The following DYM variants were observed in gnomAD, a reference collection of about 807,000 sequenced individuals.
DYM encodes dymeclin.
DYM carries 78 observed loss-of-function variants against 93.1 expected under a neutral mutation model. The ratio of observed to expected loss-of-function variants is 0.84; its 90% CI spans 0.70 to 1.01. DYM has a LOEUF of 1.01. Among genes scored for constraint, DYM ranks in the 50% least tolerant of loss-of-function variants. DYM has a pLI of 0.00. For missense variants in DYM, 789 were observed against 845.0 expected (o/e 0.93, Z 0.82); for synonymous variants, 321 against 319.7 (o/e 1.00, Z -0.04).
At chr18:49,132,447 A>T (rs1368130500) in intron 15 of DYM, among the ~76,000 whole-genome samples, 1 of 152,162 alleles carries the variant, frequency 6.6e-6, no homozygotes, top group East Asian at 1.9e-4. Flanking sequence ...TAACCATGAA[A>T]AAAGGGAAAA....
At position 49,258,819 on chromosome 18, in the gene DYM, CACAGAG is replaced by C. The variant is rs1568119920; in HGVS notation, c.1252-332_1252-327del. Among the ~76,000 whole-genome samples the C allele has an allele frequency of 8.5e-4, 95 of 111,616 alleles. 2 individuals carry two copies. The highest frequency in any genetic ancestry group is 3.0e-3 in the African/African-American group (91 of 30,680). The allele number at this position is 111,616 out of a possible 152,430, so 73.2% of individuals were successfully genotyped here. A position where few individuals can be genotyped will look rare whatever the true frequency, so the allele number is the denominator to read the frequency against. Reference sequence around the variant, plus strand: ...ACACACACACACACACACACACACACACAGAGACACACACACACACAGAGAGAGAGA... The same window carrying C: ...ACACACACACACACACACACACACACACACACACACACACAGAGAGAGAGA... On this transcript the variant is annotated intron_variant, in intron 11 of 17. Coordinates refer to ENST00000675505, the MANE Select transcript of DYM (RefSeq NM_001353214.3).
At chr18:49,191,548 A>G (rs2090977374) in intron 14 of DYM, among the ~76,000 whole-genome samples, 1 of 152,196 alleles carries the variant, frequency 6.6e-6, no homozygotes, top group African/African-American at 2.4e-5. Context: ...ATTATTATAT[A>G]TTTAGAGAAC....
At chr18:49,163,589 C>G in intron 15 of DYM, 96 bp downstream of exon 15, 1 of 775,130 alleles carries the variant, frequency 1.3e-6, no homozygotes, top group East Asian at 2.9e-5. Flanking sequence ...AGTGATCCAT[C>G]TGCCTCGGCC....
At chr18:49,320,719 T>C (rs1030945260) in intron 8 of DYM, among the ~76,000 whole-genome samples, 3 of 152,148 alleles carry the variant, frequency 2.0e-5, no homozygotes, top group Non-Finnish European at 4.4e-5. Flanking sequence ...GTGATCCGCC[T>C]GCCTGGGCCT....
intron 17 of DYM, among the ~76,000 whole-genome samples, chr18:49,085,280 G>A (rs559946564): frequency 3.3e-5 from 5 of 152,128 alleles, no homozygotes; most frequent in African/African-American, 1.2e-4. Context: ...CTTATCTAAT[G>A]CTAAAGAAAA....
At chr18:49,428,811 C>T (rs1024218556) in intron 2 of DYM, among the ~76,000 whole-genome samples, 9 of 152,122 alleles carry the variant, frequency 5.9e-5, no homozygotes, top group Non-Finnish European at 1.3e-4. Flanking sequence ...GATTGTTACA[C>T]AATTCTGTGA....
intron 1 of DYM, among the ~76,000 whole-genome samples, chr18:49,440,968 T>TC (rs2081370075): frequency 4.7e-4 from 1 of 2,108 alleles, no homozygotes; most frequent in Admixed American, 8.5e-3. Context: ...ATATTATATT[T>TC]ATATAATATA....
chr18:49,394,688 GTCT>G (rs1215991971), intron 2 of DYM, among the ~76,000 whole-genome samples: 1 of 152,032 alleles, frequency 6.6e-6, no homozygotes, highest in Non-Finnish European at 1.5e-5. Flanking sequence ...ATTTATTTAT[GTCT>G]TCTTCAATTT....
chr18:49,226,173 AG>A (rs888753473), intron 13 of DYM, among the ~76,000 whole-genome samples: 6 of 152,180 alleles, frequency 3.9e-5, no homozygotes, highest in African/African-American at 1.4e-4. Context: ...CATATGCACC[AG>A]GTATCTAAAA....
intron 6 of DYM, among the ~76,000 whole-genome samples, chr18:49,353,582 A>G (rs1042788098): frequency 6.6e-6 from 1 of 152,046 alleles, no homozygotes; most frequent in African/African-American, 2.4e-5. Context: ...AATATAATAG[A>G]ATATAGCAAG....
chr18:49,127,893 GGAGGCGGTGAGCAGACAGCAGTCACC>G (rs1360087832), intron 15 of DYM, among the ~76,000 whole-genome samples: 7 of 152,268 alleles, frequency 4.6e-5, no homozygotes, highest in Admixed American at 2.6e-4. Flanking sequence ...AGTGGGAGGG[GGAGGCGGTGAGCAGACAGCAGTCACC>G]GCACCACTGG....
At chr18:49,439,204 T>C (rs117518794) in intron 1 of DYM, among the ~76,000 whole-genome samples, 89 of 152,326 alleles carry the variant, frequency 5.8e-4, no homozygotes, top group Non-Finnish European at 1.2e-3. Context: ...ATATATATAA[T>C]ATAATCAGTA....
intron 8 of DYM, among the ~76,000 whole-genome samples, chr18:49,308,879 C>T (rs1046605372): frequency 2.0e-5 from 3 of 152,076 alleles, no homozygotes; most frequent in African/African-American, 7.2e-5. Context: ...AAAGTGTTAT[C>T]TGGAATGGCA....
At chr18:49,255,046 A>G (rs954313206) in intron 13 of DYM, among the ~76,000 whole-genome samples, 1 of 152,228 alleles carries the variant, frequency 6.6e-6, no homozygotes, top group Non-Finnish European at 1.5e-5. Flanking sequence ...AATCTAATAG[A>G]ATGTATTAAG....
intron 11 of DYM, among the ~76,000 whole-genome samples, chr18:49,263,048 T>C (rs2094514000): frequency 6.6e-6 from 1 of 152,110 alleles, no homozygotes; most frequent in South Asian, 2.1e-4. Context: ...AAAACAAAAA[T>C]ACCTGCACAT....
Position 49,237,292 on chromosome 18 carries a change from A to C in DYM, c.1460+19718T>G, listed in dbSNP as rs2093897908. Reference sequence around the variant, plus strand: ...ATGTGTCTAGACATGCATTTATATAAACAACTTAAATGTCGTAATATATGG... The same window carrying C: ...ATGTGTCTAGACATGCATTTATATACACAACTTAAATGTCGTAATATATGG... On this transcript the variant is annotated intron_variant, in intron 13 of 17. Transcript: ENST00000675505. Among the ~76,000 whole-genome samples the C allele has an allele frequency of 3.3e-5, 5 of 152,294 alleles. No individual in the cohort carries two copies. The South Asian group carries it at 1.0e-3, about 32-fold the overall frequency.
At chr18:49,058,839 G>C (rs2075718102) in intron 17 of DYM, among the ~76,000 whole-genome samples, 1 of 152,168 alleles carries the variant, frequency 6.6e-6, no homozygotes. Flanking sequence ...TTTAGAGCAA[G>C]AGGATGTAGA....
chr18:49,253,126 CTG>C (rs2094324578), intron 13 of DYM, among the ~76,000 whole-genome samples: 1 of 152,166 alleles, frequency 6.6e-6, no homozygotes, highest in Non-Finnish European at 1.5e-5. Context: ...AACATGTTAT[CTG>C]TTTTGCATTT....
At chr18:49,383,056 C>T (rs959072563) in intron 3 of DYM, among the ~76,000 whole-genome samples, 4 of 152,080 alleles carry the variant, frequency 2.6e-5, no homozygotes, top group Non-Finnish European at 4.4e-5. Flanking sequence ...ACAAAATCTA[C>T]GTTGTGGGAA....
Sources: gnomAD v4.1 joint callset for allele counts (sites outside exome capture counted in the v4.1 genomes callset) on GRCh38, gnomAD v4.1.1 for gene constraint, MANE v1.5 for transcripts, NCBI Gene and HGNC (gene_info 2026-07-23, HGNC 2026-07-21) for gene names.